The following TMEM132D variants were observed in gnomAD, a reference collection of about 807,000 sequenced individuals.
The protein encoded by TMEM132D is transmembrane protein 132D.
A neutral mutation model predicts 62.3 loss-of-function variants in TMEM132D; 21 were observed. The observed-to-expected ratio is 0.34, with a 90% CI of 0.24 to 0.49. The LOEUF (loss-of-function observed/expected upper bound fraction) is 0.49. Ranked by LOEUF, TMEM132D falls within the 20% of genes least tolerant of loss-of-function variation. The probability of loss-of-function intolerance (pLI) is 0.99; values close to 1 mark genes in which losing one functional copy is unlikely to be tolerated. For synonymous variants in TMEM132D, 621 were observed against 575.6 expected, an observed-to-expected ratio of 1.08 and a Z score of -1.13; for missense variants, 1,346 against 1,402.8, an observed-to-expected ratio of 0.96 and a Z score of 0.65.
chr12:129,134,814 C>T (rs376358832), intron 5 of TMEM132D, among the ~76,000 whole-genome samples: 1 of 152,122 alleles, frequency 6.6e-6, no homozygotes, highest in Non-Finnish European at 1.5e-5. Flanking sequence ...TCTCCTTCTT[C>T]TCCTAAAATA....
intron 2 of TMEM132D, among the ~76,000 whole-genome samples, chr12:129,697,902 T>TACACACAC (rs36080799): frequency 2.4e-4 from 35 of 143,864 alleles, no homozygotes; most frequent in African/African-American, 8.8e-4. Context: ...CATCACTGCT[T>TACACACAC]ACACACACAC....
At chr12:129,297,240 G>A (rs896668676) in intron 4 of TMEM132D, among the ~76,000 whole-genome samples, 1 of 152,198 alleles carries the variant, frequency 6.6e-6, no homozygotes, top group Admixed American at 6.5e-5. Context: ...GACAGAATCT[G>A]AAATAGAGCA....
intron 5 of TMEM132D, among the ~76,000 whole-genome samples, chr12:129,123,133 T>TA (rs1876114187): frequency 6.6e-6 from 1 of 152,180 alleles, no homozygotes; most frequent in African/African-American, 2.4e-5. Context: ...TATGCTAACA[T>TA]AAAAAATGAG....
At chr12:129,442,923 C>A (rs532656571) in intron 3 of TMEM132D, among the ~76,000 whole-genome samples, 1 of 152,178 alleles carries the variant, frequency 6.6e-6, no homozygotes, top group East Asian at 1.9e-4. Flanking sequence ...TGGCTGACAA[C>A]CTCTGAAATT....
chr12:129,715,046 T>A (rs1868523031), intron 1 of TMEM132D, among the ~76,000 whole-genome samples: 1 of 152,220 alleles, frequency 6.6e-6, no homozygotes, highest in African/African-American at 2.4e-5. Flanking sequence ...GAGTGTTACA[T>A]CTCATAATTT....
chr12:129,504,002 T>TCAC (rs1566090572), intron 3 of TMEM132D, among the ~76,000 whole-genome samples: 1 of 151,144 alleles, frequency 6.6e-6, no homozygotes, highest in Non-Finnish European at 1.5e-5. Flanking sequence ...ATTATTGTCA[T>TCAC]CATTACTGTC....
intron 3 of TMEM132D, among the ~76,000 whole-genome samples, chr12:129,493,819 C>T (rs1370621430): frequency 6.6e-6 from 1 of 152,208 alleles, no homozygotes; most frequent in Admixed American, 6.5e-5. Context: ...TTCACAACCA[C>T]CCTGCTCTGT....
At chr12:129,213,109 G>T (rs12310491) in intron 4 of TMEM132D, among the ~76,000 whole-genome samples, 72,420 of 151,838 alleles carry the variant, frequency 0.48, 17,513 homozygotes, top group East Asian at 0.53. Flanking sequence ...ATCACAGTGG[G>T]CACCTGGGGC....
At chr12:129,850,245 G>T (rs1438988752) in intron 1 of TMEM132D, among the ~76,000 whole-genome samples, 1 of 152,186 alleles carries the variant, frequency 6.6e-6, no homozygotes, top group Non-Finnish European at 1.5e-5. Flanking sequence ...GTGACTCACA[G>T]ACAGGAGGAA....
At chr12:129,328,636 T>C (rs1226645915) in intron 4 of TMEM132D, among the ~76,000 whole-genome samples, 1 of 152,228 alleles carries the variant, frequency 6.6e-6, no homozygotes, top group Non-Finnish European at 1.5e-5. Context: ...TAATAAATAA[T>C]TCATTTTCAG....
At chr12:129,604,837 A>C (rs565095602) in intron 2 of TMEM132D, among the ~76,000 whole-genome samples, 8 of 152,284 alleles carry the variant, frequency 5.3e-5, no homozygotes, top group African/African-American at 1.9e-4. Flanking sequence ...TAAGACACAA[A>C]ATTAAGACGC....
intron 2 of TMEM132D, among the ~76,000 whole-genome samples, chr12:129,574,055 A>G (rs952970531): frequency 6.6e-6 from 1 of 151,934 alleles, no homozygotes; most frequent in South Asian, 2.1e-4. Context: ...TACATTTAAG[A>G]TGTCTGCATT....
chr12:129,374,269 C>CAGAGAGAGAGAGAGAGAG (rs35178347), intron 3 of TMEM132D, among the ~76,000 whole-genome samples: 9,605 of 144,084 alleles, frequency 0.067, 424 homozygotes, highest in African/African-American at 0.088. Flanking sequence ...CCTCACACAT[C>CAGAGAGAGAGAGAGAGAG]AGAGAGAGAG....
chr12:129,251,189 C>G (rs1006393667), intron 4 of TMEM132D, among the ~76,000 whole-genome samples: 2 of 151,882 alleles, frequency 1.3e-5, no homozygotes, highest in African/African-American at 4.8e-5. Context: ...GAAACCCCGT[C>G]TCTACTAAAA....
At chr12:129,175,657 A>C (rs930201551) in intron 5 of TMEM132D, among the ~76,000 whole-genome samples, 5 of 152,162 alleles carry the variant, frequency 3.3e-5, no homozygotes, top group African/African-American at 1.2e-4. Flanking sequence ...GCAGCGAGCC[A>C]AGATCACACC....
intron 1 of TMEM132D, among the ~76,000 whole-genome samples, chr12:129,754,581 G>C (rs1593148672): frequency 6.6e-6 from 1 of 152,182 alleles, no homozygotes; most frequent in Non-Finnish European, 1.5e-5. Context: ...TCATGGCTGA[G>C]ATCAGGCGGG....
At chr12:129,134,035 A>G (rs1231985230) in intron 5 of TMEM132D, among the ~76,000 whole-genome samples, 1 of 152,148 alleles carries the variant, frequency 6.6e-6, no homozygotes, top group Admixed American at 6.5e-5. Context: ...ATCCCCAGCA[A>G]TACCTGAAGC....
intron 2 of TMEM132D, among the ~76,000 whole-genome samples, chr12:129,566,446 C>T (rs931530959): frequency 6.6e-6 from 1 of 151,662 alleles, no homozygotes; most frequent in East Asian, 2.0e-4. Context: ...AGAGGGGGGT[C>T]AGACGTGCCT....
In TMEM132D at chr12:129,778,557, C is replaced by T. The variant is rs1871022721; in HGVS notation, c.80-77859G>A. Among the ~76,000 whole-genome samples, 3 of 152,346 alleles carry T rather than the reference C, an allele frequency of 2.0e-5. No homozygotes were observed. The South Asian group carries it at 6.2e-4, about 32-fold the overall frequency. On this transcript the variant is annotated intron_variant, in intron 1 of 8. Coordinates refer to ENST00000422113, the MANE Select transcript of TMEM132D (RefSeq NM_133448.3). ...TCTTCCACCCCCAGGCACAGTCATCCTGAGCATTGAAGACACTTTAGAAAA... is the reference window on the plus strand; with the variant it reads ...TCTTCCACCCCCAGGCACAGTCATCTTGAGCATTGAAGACACTTTAGAAAA...
Sources: gnomAD v4.1 joint callset for allele counts (sites outside exome capture counted in the v4.1 genomes callset) on GRCh38, gnomAD v4.1.1 for gene constraint, MANE v1.5 for transcripts, NCBI Gene and HGNC (gene_info 2026-07-23, HGNC 2026-07-21) for gene names.